The following RALGPS1 variants were observed in gnomAD, a reference collection of about 807,000 sequenced individuals.
RALGPS1 encodes Ral GEF with PH domain and SH3 binding motif 1.
Under a neutral mutation model 78.8 loss-of-function variants are expected in RALGPS1, and 19 were observed. The ratio of observed to expected loss-of-function variants is 0.24; its 90% CI spans 0.17 to 0.35. The LOEUF is 0.35. RALGPS1 is among the 10% of genes least tolerant of loss of function. The pLI is 1.00. For missense variants in RALGPS1, 454 were observed against 688.3 expected, an observed-to-expected ratio of 0.66 and a Z score of 3.81; for synonymous variants, 228 against 256.3, an observed-to-expected ratio of 0.89 and a Z score of 1.06.
intron 8 of RALGPS1, among the ~76,000 whole-genome samples, chr9:127,070,971 GT>G (rs890453273): frequency 4.4e-4 from 66 of 150,650 alleles, no homozygotes; most frequent in African/African-American, 1.0e-3. Context: ...TACTAGCATA[GT>G]TTTTTTCTTA....
In RALGPS1 at chr9:127,152,756, G is replaced by A. The variant is rs114937487; in HGVS notation, c.611-13313G>A. ...TAAGTCAGGGAAAGCTCTGTGAGGG[G>A]CGGCCTAGTCTCTTCTGGAAGGTTT... On this transcript the variant is annotated intron_variant, in intron 8 of 18. Coordinates refer to ENST00000259351, the MANE Select transcript of RALGPS1 (RefSeq NM_014636.3). Among the ~76,000 whole-genome samples the A allele has an allele frequency of 4.3e-3, 649 of 152,300 alleles. 6 individuals carry two copies. Among genetic ancestry groups the A allele is most frequent in the African/African-American group, 0.015 (604 of 41,560 alleles).
chr9:127,081,944 G>T, intron 8 of RALGPS1, among the ~76,000 whole-genome samples: 1 of 152,222 alleles, frequency 6.6e-6, no homozygotes, highest in East Asian at 1.9e-4. Flanking sequence ...GGCTGAGCTG[G>T]CCCAGGATGG....
In RALGPS1 at chr9:127,108,276, C is replaced by T. The variant is rs143084036; in HGVS notation, c.610+38920C>T. Reference sequence around the variant, plus strand: ...TGTTCTCCAGCTGGGAGAGCTCCAACGCGTTGTCCCGCTTGCGGATGATCT... The same window carrying T: ...TGTTCTCCAGCTGGGAGAGCTCCAATGCGTTGTCCCGCTTGCGGATGATCT... On this transcript the variant is annotated intron_variant, in intron 8 of 18. Transcript: ENST00000259351. 2.6e-4 allele frequency: 415 copies of T among 1,614,020 alleles called. 8 individuals are homozygous for T. In the East Asian group the frequency reaches 4.6e-3, roughly 18 times the overall value.
chr9:127,034,548 G>A (rs751197776), intron 5 of RALGPS1, 34 bp downstream of exon 5: 112 of 1,581,232 alleles, frequency 7.1e-5, no homozygotes, highest in Non-Finnish European at 7.0e-6. Flanking sequence ...CCTATCCAGA[G>A]AGCAATCTGC....
intron 5 of RALGPS1, among the ~76,000 whole-genome samples, chr9:127,044,536 A>G (rs1414546472): frequency 1.3e-5 from 2 of 152,204 alleles, no homozygotes; most frequent in Admixed American, 6.5e-5. Context: ...GATTACAGGC[A>G]TGAGTCACAG....
chr9:126,942,761 T>G (rs1260557935), intron 1 of RALGPS1, among the ~76,000 whole-genome samples: 1 of 152,216 alleles, frequency 6.6e-6, no homozygotes, highest in Non-Finnish European at 1.5e-5. Flanking sequence ...TACATTTTAT[T>G]TATAGATTGA....
chr9:127,150,609 C>G (rs530565098), intron 8 of RALGPS1, among the ~76,000 whole-genome samples: 1 of 152,206 alleles, frequency 6.6e-6, no homozygotes, highest in Admixed American at 6.5e-5. Context: ...GATGCTCGTG[C>G]TCAGGGAGTT....
At chr9:127,008,357 GC>G (rs750980715) in intron 4 of RALGPS1, among the ~76,000 whole-genome samples, 5 of 152,290 alleles carry the variant, frequency 3.3e-5, no homozygotes, top group East Asian at 1.9e-4. Flanking sequence ...AGAAGCAGCT[GC>G]CCCTGGCCCT....
intron 8 of RALGPS1, among the ~76,000 whole-genome samples, chr9:127,080,791 T>C (rs780187332): frequency 3.9e-5 from 6 of 152,222 alleles, no homozygotes; most frequent in Non-Finnish European, 7.4e-5. Flanking sequence ...ATCTAAAACA[T>C]TTTGAGAGTC....
intron 13 of RALGPS1, among the ~76,000 whole-genome samples, chr9:127,197,537 G>A (rs1323573075): frequency 6.6e-6 from 1 of 152,070 alleles, no homozygotes; most frequent in Non-Finnish European, 1.5e-5. Flanking sequence ...GAAACAGGCA[G>A]GAATCACTCC....
At chr9:127,003,145 A>G (rs1318685223) in intron 4 of RALGPS1, among the ~76,000 whole-genome samples, 1 of 152,224 alleles carries the variant, frequency 6.6e-6, no homozygotes, top group East Asian at 1.9e-4. Flanking sequence ...AGGCATGGGC[A>G]AGGACTTCAC....
At chr9:127,197,953 C>T (rs769860690) in intron 13 of RALGPS1, among the ~76,000 whole-genome samples, 2 of 152,186 alleles carry the variant, frequency 1.3e-5, no homozygotes, top group South Asian at 2.1e-4. Flanking sequence ...TGGGAAATGC[C>T]GGCCCAACAG....
At chr9:127,178,629 G>T (rs569947958) in intron 11 of RALGPS1, 1 of 340,602 alleles carries the variant, frequency 2.9e-6, no homozygotes, top group Admixed American at 6.5e-5. Flanking sequence ...AGGTCAGGCC[G>T]TCTAACAGCC....
At chr9:127,058,368 G>A (rs1346273386) in intron 7 of RALGPS1, among the ~76,000 whole-genome samples, 2 of 152,166 alleles carry the variant, frequency 1.3e-5, no homozygotes, top group African/African-American at 4.8e-5. Context: ...TTTAATTACT[G>A]TTGCTACTGT....
intron 8 of RALGPS1, among the ~76,000 whole-genome samples, chr9:127,127,665 G>C (rs889747550): frequency 2.0e-5 from 3 of 152,206 alleles, no homozygotes; most frequent in African/African-American, 7.2e-5. Flanking sequence ...TGATGTGCTA[G>C]ACATTGAGCT....
intron 12 of RALGPS1, 112 bp from the exon 13 acceptor site, chr9:127,196,362 G>A: frequency 1.6e-6 from 2 of 1,263,790 alleles, no homozygotes; most frequent in Non-Finnish European, 2.2e-6. Flanking sequence ...GTGGCTCTGG[G>A]TGGAGGCCTT....
chr9:127,202,358 G>C lies in RALGPS1; in HGVS notation c.1247+3292G>C, dbSNP rs547129101. ...TTATGCACATAGATGTCTCCTCTTT[G>C]GGTAGTAGCCAGAGTTCAGGCTGCA... On this transcript the variant is annotated intron_variant, in intron 14 of 18. Coordinates refer to ENST00000259351, the MANE Select transcript of RALGPS1 (RefSeq NM_014636.3). Among the ~76,000 whole-genome samples the C allele has an allele frequency of 1.9e-3, 282 of 152,244 alleles. 2 individuals carry two copies. Among genetic ancestry groups the C allele is most frequent in the Middle Eastern group, 0.014 (4 of 294 alleles).
At chr9:127,129,099 C>G (rs2056830411) in intron 8 of RALGPS1, among the ~76,000 whole-genome samples, 1 of 152,086 alleles carries the variant, frequency 6.6e-6, no homozygotes, top group Non-Finnish European at 1.5e-5. Context: ...GGTCAATTTG[C>G]CCAAAGACAA....
chr9:127,173,287 T>C (rs1423837972), intron 10 of RALGPS1, among the ~76,000 whole-genome samples: 1 of 152,108 alleles, frequency 6.6e-6, no homozygotes, highest in Non-Finnish European at 1.5e-5. Flanking sequence ...GCTGCCGTGC[T>C]CTCCACCTAG....
Sources: gnomAD v4.1 joint callset for allele counts (sites outside exome capture counted in the v4.1 genomes callset) on GRCh38, gnomAD v4.1.1 for gene constraint, MANE v1.5 for transcripts, NCBI Gene and HGNC (gene_info 2026-07-23, HGNC 2026-07-21) for gene names.